CDKAL1: variants seen among roughly 807,000 people sequenced by gnomAD.
The protein encoded by CDKAL1 is CDKAL1 threonylcarbamoyladenosine tRNA methylthiotransferase, also known as threonylcarbamoyladenosine tRNA methylthiotransferase.
Under a neutral mutation model 68.2 loss-of-function variants are expected in CDKAL1, and 32 were observed. The observed-to-expected ratio is 0.47, with a 90% CI of 0.35 to 0.63. The LOEUF (loss-of-function observed/expected upper bound fraction) is 0.63, where lower values mean the gene tolerates loss of function less well. Among genes scored for constraint, CDKAL1 ranks in the 30% least tolerant of loss-of-function variants. The pLI, the probability that CDKAL1 is intolerant of heterozygous loss-of-function variation, is 0.00. For missense variants in CDKAL1, 606 were observed against 696.7 expected (o/e 0.87, Z 1.47); for synonymous variants, 234 against 244.3 (o/e 0.96, Z 0.39).
intron 4 of CDKAL1, among the ~76,000 whole-genome samples, chr6:20,618,942 G>T (rs1767054731): frequency 6.6e-6 from 1 of 152,150 alleles, no homozygotes; most frequent in Non-Finnish European, 1.5e-5. Flanking sequence ...GCCTCCCAAA[G>T]TGCTGGGATT....
intron 9 of CDKAL1, among the ~76,000 whole-genome samples, chr6:20,871,837 A>G (rs146608820): frequency 5.1e-4 from 77 of 152,298 alleles, no homozygotes; most frequent in African/African-American, 1.8e-3. Context: ...TGAAATTAAC[A>G]TCATTCCCTG....
At chr6:20,795,846 G>T (rs767835380) in intron 8 of CDKAL1, among the ~76,000 whole-genome samples, 1 of 152,148 alleles carries the variant, frequency 6.6e-6, no homozygotes, top group African/African-American at 2.4e-5. Context: ...TCTATGTAAG[G>T]CTTGTTAGGT....
chr6:21,199,644 T>C (rs942330153), intron 14 of CDKAL1, among the ~76,000 whole-genome samples: 12 of 152,118 alleles, frequency 7.9e-5, no homozygotes, highest in African/African-American at 2.4e-4. Flanking sequence ...TTATTAAAAC[T>C]GGAGGAGGGG....
At chr6:20,581,090 C>A (rs1462471355) in intron 4 of CDKAL1, among the ~76,000 whole-genome samples, 2 of 152,150 alleles carry the variant, frequency 1.3e-5, no homozygotes, top group East Asian at 3.8e-4. Context: ...AATTTTTAAA[C>A]CTTAAAATAC....
At position 20,539,416 on chromosome 6, in the gene CDKAL1, T is replaced by C. The variant is rs1389169620; in HGVS notation, c.-6+4022T>C. Among the ~76,000 whole-genome samples the C allele has an allele frequency of 6.6e-6, 1 of 152,138 alleles. No homozygotes were observed. The highest frequency in any genetic ancestry group is 6.6e-5 in the Admixed American group (1 of 15,264). On this transcript the variant is annotated intron_variant, in intron 2 of 15. Transcript: ENST00000274695. The surrounding 1 kb of genome is among the most constrained non-coding windows in gnomAD (Gnocchi z 4.3). Reference sequence around the variant, plus strand: ...GTAAGATAAACAGTTAAAAAATTATTAAAACATTTTAAGCAGATGATTAAA... The same window carrying C: ...GTAAGATAAACAGTTAAAAAATTATCAAAACATTTTAAGCAGATGATTAAA...
At chr6:20,635,499 CCAGATTT>C (rs1767864782) in intron 4 of CDKAL1, among the ~76,000 whole-genome samples, 8 of 150,266 alleles carry the variant, frequency 5.3e-5, no homozygotes, top group Non-Finnish European at 1.0e-4. Context: ...TTTTTTTTTT[CCAGATTT>C]TGGAATATTT....
At chr6:20,825,103 G>A (rs1472440036) in intron 8 of CDKAL1, among the ~76,000 whole-genome samples, 1 of 148,304 alleles carries the variant, frequency 6.7e-6, no homozygotes, top group Non-Finnish European at 1.5e-5. Context: ...TGAAATGATT[G>A]ATTAGTTCTG....
At chr6:20,786,482 A>AT (rs1423009198) in intron 8 of CDKAL1, among the ~76,000 whole-genome samples, 3 of 124,316 alleles carry the variant, frequency 2.4e-5, no homozygotes, top group Non-Finnish European at 5.1e-5. Flanking sequence ...TGACTCCCTT[A>AT]TTTTTTCTTA....
intron 10 of CDKAL1, among the ~76,000 whole-genome samples, chr6:20,975,586 A>G (rs1040419291): frequency 2.0e-5 from 3 of 152,068 alleles, no homozygotes; most frequent in Non-Finnish European, 4.4e-5. Flanking sequence ...ATATAAAGTG[A>G]TATTTAAGCA....
At chr6:20,834,388 G>A (rs570766983) in intron 8 of CDKAL1, among the ~76,000 whole-genome samples, 4 of 152,268 alleles carry the variant, frequency 2.6e-5, no homozygotes, top group South Asian at 4.2e-4. Context: ...GACAACTGTG[G>A]GGGTGGGAGT....
intron 5 of CDKAL1, among the ~76,000 whole-genome samples, chr6:20,712,929 C>T (rs1283081614): frequency 6.6e-6 from 1 of 152,210 alleles, no homozygotes; most frequent in Non-Finnish European, 1.5e-5. Context: ...CCTGAGCCAT[C>T]ATGCCTGGCC....
intron 15 of CDKAL1, among the ~76,000 whole-genome samples, chr6:21,209,759 A>G (rs1313582332): frequency 1.3e-5 from 2 of 152,232 alleles, no homozygotes; most frequent in Non-Finnish European, 2.9e-5. Context: ...GATATATTTC[A>G]GCAGCAGCAG....
intron 5 of CDKAL1, among the ~76,000 whole-genome samples, chr6:20,718,774 G>A (rs1158305404): frequency 6.6e-6 from 1 of 152,076 alleles, no homozygotes; most frequent in Non-Finnish European, 1.5e-5. Flanking sequence ...AAAATTGAGT[G>A]CAGATTGCAG....
chr6:20,999,083 G>C (rs1767279930), intron 10 of CDKAL1, among the ~76,000 whole-genome samples: 1 of 152,200 alleles, frequency 6.6e-6, no homozygotes, highest in Admixed American at 6.5e-5. Context: ...AGGATGAAAT[G>C]AGGTAACAGA....
At chr6:21,044,620 T>G (rs1770120207) in intron 11 of CDKAL1, among the ~76,000 whole-genome samples, 1 of 152,258 alleles carries the variant, frequency 6.6e-6, no homozygotes, top group Non-Finnish European at 1.5e-5. Flanking sequence ...AGTATAATCA[T>G]TAGTATTTAT....
At chr6:20,756,003 C>T (rs1427535270) in intron 6 of CDKAL1, 4 of 152,202 alleles carry the variant, frequency 2.6e-5, no homozygotes, top group Non-Finnish European at 5.9e-5. Flanking sequence ...TCCCTGACCT[C>T]TACAAGAGTA....
rs1201406016 is a variant in CDKAL1, at chr6:20,637,046, AAAAAAAG to A, written c.287-12229_287-12223del. On this transcript the variant is annotated intron_variant, in intron 4 of 15. Transcript: ENST00000274695. ...AGTGAGACTCCGTCTCAAAAAAAAAAAAAAAAGAAAAAAGAAAAAAGAAAGGACTGTT... is the reference window on the plus strand; with the variant it reads ...AGTGAGACTCCGTCTCAAAAAAAAAAAAAAAAGAAAAAAGAAAGGACTGTT... Among the ~76,000 whole-genome samples the A allele has an allele frequency of 3.7e-3, 528 of 144,320 alleles. 1 individual carries two copies. Among genetic ancestry groups the A allele is most frequent in the Admixed American group, 5.8e-3 (87 of 14,924 alleles). The allele number at this position is 144,320 out of a possible 152,430, so 94.7% of individuals were successfully genotyped here.
At chr6:20,876,125 C>T (rs1454892633) in intron 9 of CDKAL1, among the ~76,000 whole-genome samples, 1 of 152,214 alleles carries the variant, frequency 6.6e-6, no homozygotes, top group African/African-American at 2.4e-5. Context: ...AATGAATTAG[C>T]ATTCCATTTT....
At chr6:21,152,467 C>A (rs1388602096) in intron 13 of CDKAL1, among the ~76,000 whole-genome samples, 2 of 152,222 alleles carry the variant, frequency 1.3e-5, no homozygotes, top group Admixed American at 1.3e-4. Context: ...CAGCTCACAA[C>A]TGCCACACCG....
Sources: gnomAD v4.1 joint callset for allele counts (sites outside exome capture counted in the v4.1 genomes callset) on GRCh38, gnomAD v4.1.1 for gene constraint, Gnocchi (gnomAD v3.1) non-coding constraint, MANE v1.5 for transcripts, NCBI Gene and HGNC (gene_info 2026-07-23, HGNC 2026-07-21) for gene names.